Variants in SS18L1 observed in about 807,000 individuals in gnomAD.
SS18L1 encodes the protein calcium-responsive transactivator.
Under a neutral mutation model 70.3 loss-of-function variants are expected in SS18L1, and 32 were observed. The ratio of observed to expected loss-of-function variants is 0.46; its 90% confidence interval spans 0.34 to 0.61. The LOEUF is 0.61. Ranked by LOEUF, SS18L1 falls within the 20% of genes least tolerant of loss-of-function variation. The pLI, the probability that SS18L1 is intolerant of heterozygous loss-of-function variation, is 0.01. For missense variants in SS18L1, 430 were observed against 542.1 expected, an observed-to-expected ratio of 0.79 and a Z score of 2.05; for synonymous variants, 237 against 229.7, an observed-to-expected ratio of 1.03 and a Z score of -0.29.
chr20:62,162,618 C>T, intron 4 of SS18L1, 134 bp from the exon 5 acceptor site: 2 of 893,134 alleles, frequency 2.2e-6, no homozygotes, highest in East Asian at 2.8e-5. Flanking sequence ...ATTTATTAGT[C>T]ACTTAATCAT....
Position 62,179,850 on chromosome 20 carries a change from G to A in SS18L1, c.*642G>A, listed in dbSNP as rs140092135. The A allele has an allele frequency of 7.0e-3, 1,577 of 226,774 alleles. 8 individuals carry two copies. Among genetic ancestry groups the A allele is most frequent in the Non-Finnish European group, 9.7e-3 (1,109 of 114,086 alleles). 14.0% of individuals were successfully genotyped at this position (226,774 alleles called of 1,614,324 possible). A position where few individuals can be genotyped will look rare whatever the true frequency, so the allele number is the denominator to read the frequency against. On this transcript the variant is annotated 3_prime_UTR_variant, in exon 11 of 11. Transcript: ENST00000331758. ...CCATTGCCTGTCTCTCGCCAATTCCGTTTATCCAAAAAGGTACATGTTTTT... is the reference window on the plus strand; with the variant it reads ...CCATTGCCTGTCTCTCGCCAATTCCATTTATCCAAAAAGGTACATGTTTTT...
At chr20:62,152,261 G>A (rs4925348) in intron 1 of SS18L1, among the ~76,000 whole-genome samples, 99,153 of 152,070 alleles carry the variant, frequency 0.65, 35,719 homozygotes, top group Non-Finnish European at 0.8. Flanking sequence ...AGAGCGGGTC[G>A]CACCTCCTCA....
intron 9 of SS18L1, among the ~76,000 whole-genome samples, chr20:62,173,317 C>T (rs1441495464): frequency 6.6e-6 from 1 of 151,412 alleles, no homozygotes; most frequent in Non-Finnish European, 1.5e-5. Context: ...GATCTCAGTT[C>T]TCAGGATGAG....
rs541987928 is a variant in SS18L1, at chr20:62,163,606, C to T, written c.705C>T (p.Tyr235=). 1.9e-6 allele frequency: 3 copies of T among 1,596,418 alleles called. No individual in the cohort carries two copies. In the African/African-American group the frequency reaches 4.0e-5, roughly 21 times the overall value. Residue 235 remains tyrosine (Y), a synonymous_variant, in exon 6 of 11, where the codon TAC becomes TAT. Coordinates refer to ENST00000331758, the MANE Select transcript of SS18L1 (RefSeq NM_198935.3). ...TGGGGCAGCGGCCCATGGCGCCCTACCGGCCCTCCCAGCAAGGTAACGCCC... is the reference window on the plus strand; with the variant it reads ...TGGGGCAGCGGCCCATGGCGCCCTATCGGCCCTCCCAGCAAGGTAACGCCC... ...SMMGQRPMAP[Y]RPSQQGSSQQ...
At chr20:62,157,066 G>A (rs542581816) in intron 1 of SS18L1, among the ~76,000 whole-genome samples, 59 of 152,086 alleles carry the variant, frequency 3.9e-4, no homozygotes, top group South Asian at 8.3e-4. Context: ...CTCGCCTCCC[G>A]TTGGGTCTCC....
In SS18L1 at chr20:62,174,436, TA is replaced by T. The variant is rs1244916245; in HGVS notation, c.1037-73del. The T allele has an allele frequency of 3.9e-6, 6 of 1,535,970 alleles. No individual in the cohort carries two copies. The highest frequency in any genetic ancestry group is 2.8e-5 in the African/African-American group (2 of 71,406). On this transcript the variant is annotated intron_variant, in intron 9 of 10. Transcript: ENST00000331758. The surrounding 1 kb of genome is among the most constrained non-coding windows in gnomAD (Gnocchi z 4.1). The stretch of plus-strand genomic sequence containing the variant: ...ATTTTTCAAGGAGAAGAGGAAGTTT[TA>T]AAAAAAATTTTTAAGTTAAGAAAAA...
rs1183356561 is a variant in SS18L1 at position 62,182,153 on chromosome 20, TCTC to T, written c.*2948_*2950del. ...GTGAATGGGATTAAGGTGGACAAGA[TCTC>T]CTAAGATCTGAAAAGAAACCTTAAT... On this transcript the variant is annotated 3_prime_UTR_variant, in exon 11 of 11. Coordinates refer to ENST00000331758, the MANE Select transcript of SS18L1 (RefSeq NM_198935.3). The T allele has an allele frequency of 4.4e-6, 1 of 225,800 alleles. No individual in the cohort carries two copies. Among genetic ancestry groups the T allele is most frequent in the African/African-American group, 2.2e-5 (1 of 44,884 alleles). 14.0% of individuals were successfully genotyped at this position (225,800 alleles called of 1,614,324 possible).
Position 62,163,489 on chromosome 20 carries a change from G to A in SS18L1, c.588G>A (p.Ser196=), listed in dbSNP as rs149920292. The A allele has an allele frequency of 1.1e-4, 176 of 1,612,210 alleles. 2 individuals are homozygous for A. The African/African-American group carries it at 1.8e-3, about 17-fold the overall frequency. The change falls in exon 6 of 11, where the codon TCG becomes TCA. Residue 196 remains serine (S), a synonymous_variant. Coordinates refer to ENST00000331758, the MANE Select transcript of SS18L1 (RefSeq NM_198935.3). ...TGATGCAGCAGCAGGCGGCCACGTC[G>A]CACTACAGCTCGGCGCAGGGCGGCA... ...VSMMQQQAAT[S]HYSSAQGGSQ...
At chr20:62,175,687 CAA>C (rs1445399384) in intron 10 of SS18L1, among the ~76,000 whole-genome samples, 2 of 152,194 alleles carry the variant, frequency 1.3e-5, no homozygotes, top group East Asian at 1.9e-4. Flanking sequence ...CTACATCGCT[CAA>C]GTTTGTTTTT....
rs1198121346 is a variant in SS18L1, at chr20:62,159,437, G to A, written c.147-440G>A. Among the ~76,000 whole-genome samples the A allele has an allele frequency of 1.3e-5, 2 of 152,164 alleles. No individual in the cohort carries two copies. Reference sequence around the variant, plus strand: ...ACGAGGGGCCTTCCCTGGCAGAACTGTGCTTCCCCATTTCTTTCCAGGGCT... The same window carrying A: ...ACGAGGGGCCTTCCCTGGCAGAACTATGCTTCCCCATTTCTTTCCAGGGCT... On this transcript the variant is annotated intron_variant, in intron 2 of 10. Coordinates refer to ENST00000331758, the MANE Select transcript of SS18L1 (RefSeq NM_198935.3). This position sits in a 1 kb window ranked among gnomAD's most constrained non-coding sequence, Gnocchi z 4.4.
chr20:62,167,552 C>T (rs1381583750), intron 8 of SS18L1, among the ~76,000 whole-genome samples: 1 of 152,022 alleles, frequency 6.6e-6, no homozygotes, highest in Non-Finnish European at 1.5e-5. Flanking sequence ...CGAGCCAGAC[C>T]CTGTCTCAAA....
intron 1 of SS18L1, among the ~76,000 whole-genome samples, chr20:62,149,834 G>A (rs1466331977): frequency 6.6e-6 from 1 of 152,230 alleles, no homozygotes; most frequent in Admixed American, 6.5e-5. Context: ...CAAGTCCAGG[G>A]TCATGTCAGA....
intron 1 of SS18L1, among the ~76,000 whole-genome samples, chr20:62,146,551 A>C (rs2057029404): frequency 6.7e-6 from 1 of 148,570 alleles, no homozygotes; most frequent in South Asian, 2.1e-4. Context: ...GACTGCGGGC[A>C]GCCCTTGGTG....
chr20:62,168,393 C>CGGAT (rs2057472259), intron 8 of SS18L1, among the ~76,000 whole-genome samples: 1 of 152,120 alleles, frequency 6.6e-6, no homozygotes, highest in Non-Finnish European at 1.5e-5. Flanking sequence ...AAGAGATTGG[C>CGGAT]GGATGTGTCA....
intron 1 of SS18L1, among the ~76,000 whole-genome samples, chr20:62,156,705 G>A (rs1444787577): frequency 6.6e-6 from 1 of 152,178 alleles, no homozygotes; most frequent in African/African-American, 2.4e-5. Context: ...GGGCCCCAAG[G>A]TCAAATCGCA....
rs11475719 is a variant in SS18L1 at position 62,169,780 on chromosome 20, CAAA to C, written c.917-2892_917-2890del. Reference sequence around the variant, plus strand: ...GGGCGGCAAAGCGAGACTCCATCTCCAAAAAAAAAAAAGGAACATCATTGGCTG... The same window carrying C: ...GGGCGGCAAAGCGAGACTCCATCTCCAAAAAAAAAGGAACATCATTGGCTG... On this transcript the variant is annotated intron_variant, in intron 8 of 10. Transcript: ENST00000331758. Among the ~76,000 whole-genome samples, 4 of 141,258 alleles carry C rather than the reference CAAA, an allele frequency of 2.8e-5. No homozygotes were observed. The South Asian group carries it at 6.6e-4, about 23-fold the overall frequency. The allele number at this position is 141,258 out of a possible 152,430, so 92.7% of individuals were successfully genotyped here. A position where few individuals can be genotyped will look rare whatever the true frequency, so the allele number is the denominator to read the frequency against.
At position 62,163,580 on chromosome 20, in the gene SS18L1, A is replaced by G. The variant is rs762643826; in HGVS notation, c.679A>G (p.Met227Val). 3.1e-6 allele frequency: 5 copies of G among 1,608,226 alleles called. No individual in the cohort carries two copies. The highest frequency in any genetic ancestry group is 4.2e-6 in the Non-Finnish European group (5 of 1,179,030). ...MGQGSQGSSM[M>V]GQRPMAPYRP... Reference sequence around the variant, plus strand: ...GCAGGGCAGCCAGGGGAGCAGCATGATGGGGCAGCGGCCCATGGCGCCCTA... The same window carrying G: ...GCAGGGCAGCCAGGGGAGCAGCATGGTGGGGCAGCGGCCCATGGCGCCCTA... Residue 227 changes from methionine (M) to valine (V), a missense_variant, in exon 6 of 11, where the codon ATG (methionine) becomes GTG (valine). Coordinates refer to ENST00000331758, the MANE Select transcript of SS18L1 (RefSeq NM_198935.3).
intron 8 of SS18L1, among the ~76,000 whole-genome samples, chr20:62,167,898 C>T (rs2057463602): frequency 6.6e-6 from 1 of 151,628 alleles, no homozygotes; most frequent in African/African-American, 2.4e-5. Context: ...ACACTGCAGC[C>T]TGGAAATCCC....
At chr20:62,169,344 G>T (rs6121937) in intron 8 of SS18L1, among the ~76,000 whole-genome samples, 1 of 152,220 alleles carries the variant, frequency 6.6e-6, no homozygotes, top group Non-Finnish European at 1.5e-5. Context: ...AAATGCTTCC[G>T]GGTAGGAGAT....
Sources: allele counts gnomAD v4.1 joint callset (sites outside exome capture counted in the v4.1 genomes callset), GRCh38; gene constraint gnomAD v4.1.1; non-coding constraint Gnocchi (gnomAD v3.1); transcripts MANE v1.5; gene names NCBI Gene and HGNC (gene_info 2026-07-23, HGNC 2026-07-21).